PARVA: variants seen among roughly 807,000 people sequenced by gnomAD.
PARVA encodes the protein alpha-parvin.
Under a neutral mutation model 52.6 loss-of-function variants are expected in PARVA, and 25 were observed. That is an observed-to-expected ratio of 0.48 (90% confidence interval 0.35 to 0.66). The LOEUF (loss-of-function observed/expected upper bound fraction) is 0.66. Among genes scored for constraint, PARVA ranks in the 30% least tolerant of loss-of-function variants. PARVA has a pLI of 0.01. For missense variants in PARVA, 373 were observed against 450.9 expected, an observed-to-expected ratio of 0.83 and a Z score of 1.56; for synonymous variants, 185 against 179.1, an observed-to-expected ratio of 1.03 and a Z score of -0.26.
chr11:12,453,125 G>C (rs1044935044), intron 1 of PARVA: 3 of 439,896 alleles, frequency 6.8e-6, no homozygotes, highest in Non-Finnish European at 1.4e-5. Flanking sequence ...CGTCTCTGGG[G>C]TTTGAGTTGA....
chr11:12,506,921 A>T (rs1941437391), intron 6 of PARVA, among the ~76,000 whole-genome samples: 1 of 152,186 alleles, frequency 6.6e-6, no homozygotes, highest in South Asian at 2.1e-4. Context: ...GTTGGAGATG[A>T]GGTTTTACGT....
chr11:12,463,118 CT>C (rs904356479), intron 1 of PARVA, among the ~76,000 whole-genome samples: 4 of 151,718 alleles, frequency 2.6e-5, no homozygotes, highest in African/African-American at 7.3e-5. Context: ...CCCACGCCCA[CT>C]TTTTTTTCTT....
intron 1 of PARVA, among the ~76,000 whole-genome samples, chr11:12,397,090 A>G (rs1216427435): frequency 6.6e-6 from 1 of 152,184 alleles, no homozygotes; most frequent in East Asian, 1.9e-4. Context: ...TGGGGGATTG[A>G]CCTCATTTTT....
chr11:12,386,662 C>T (rs1264587675), intron 1 of PARVA, among the ~76,000 whole-genome samples: 2 of 152,210 alleles, frequency 1.3e-5, no homozygotes, highest in African/African-American at 4.8e-5. Context: ...AAATAGCCCA[C>T]CATTAACTGG....
At chr11:12,394,071 T>G (rs1477353316) in intron 1 of PARVA, among the ~76,000 whole-genome samples, 2 of 152,204 alleles carry the variant, frequency 1.3e-5, no homozygotes, top group Admixed American at 1.3e-4. Flanking sequence ...ATTTCACACT[T>G]ACTATTTTAT....
At chr11:12,432,698 T>G (rs1378639365) in intron 1 of PARVA, among the ~76,000 whole-genome samples, 19 of 152,240 alleles carry the variant, frequency 1.2e-4, no homozygotes, top group Admixed American at 6.5e-4. Context: ...CATGTGTACG[T>G]TATTTAGGCT....
chr11:12,459,725 C>T (rs1589965572), intron 1 of PARVA, among the ~76,000 whole-genome samples: 1 of 152,116 alleles, frequency 6.6e-6, no homozygotes, highest in Admixed American at 6.5e-5. Flanking sequence ...AAAAAGCAGG[C>T]TATAGAACCC....
intron 1 of PARVA, among the ~76,000 whole-genome samples, chr11:12,466,488 G>A (rs1475074295): frequency 3.3e-5 from 5 of 151,894 alleles, no homozygotes; most frequent in African/African-American, 1.2e-4. Context: ...TGTATTTTTA[G>A]TGAGACGGGG....
At chr11:12,462,202 A>T (rs548911586) in intron 1 of PARVA, among the ~76,000 whole-genome samples, 1 of 152,330 alleles carries the variant, frequency 6.6e-6, no homozygotes, top group East Asian at 1.9e-4. Context: ...ACTCTCCCAA[A>T]GCCATCCATG....
At chr11:12,406,502 TTTGA>T (rs1939908746) in intron 1 of PARVA, among the ~76,000 whole-genome samples, 1 of 88,350 alleles carries the variant, frequency 1.1e-5, no homozygotes, top group African/African-American at 4.9e-5. Context: ...ACTTTTGTAT[TTTGA>T]TTTTTTTTTT....
intron 1 of PARVA, among the ~76,000 whole-genome samples, chr11:12,387,524 C>G (rs1939589557): frequency 6.7e-6 from 1 of 150,134 alleles, no homozygotes; most frequent in South Asian, 2.2e-4. Context: ...CTTCCAGTCC[C>G]CAGATTCTAT....
intron 1 of PARVA, among the ~76,000 whole-genome samples, chr11:12,445,928 A>T (rs1940539972): frequency 6.6e-6 from 1 of 152,188 alleles, no homozygotes; most frequent in Admixed American, 6.5e-5. Flanking sequence ...TGGTTTAAAG[A>T]GCTAATTTTT....
intron 10 of PARVA, 32 bp from the exon 11 acceptor site, chr11:12,517,578 G>T: frequency 6.7e-7 from 1 of 1,483,382 alleles, no homozygotes; most frequent in East Asian, 2.4e-5. Flanking sequence ...GGAGGCTCAG[G>T]GGCCAGTGCC....
At chr11:12,497,208 G>A (rs1376893688) in intron 5 of PARVA, among the ~76,000 whole-genome samples, 1 of 152,008 alleles carries the variant, frequency 6.6e-6, no homozygotes, top group African/African-American at 2.4e-5. Context: ...TGCTCCAAAG[G>A]CCCGGTGTCT....
chr11:12,397,082 G>A (rs1939758505), intron 1 of PARVA, among the ~76,000 whole-genome samples: 1 of 152,108 alleles, frequency 6.6e-6, no homozygotes, highest in Non-Finnish European at 1.5e-5. Flanking sequence ...GTTTCACATG[G>A]GGGATTGACC....
At position 12,508,609 on chromosome 11, in the gene PARVA, G is replaced by C. The variant is rs765042412; in HGVS notation, c.683G>C (p.Arg228Pro). The C allele has an allele frequency of 1.2e-6, 2 of 1,608,656 alleles. No individual in the cohort carries two copies. Among genetic ancestry groups the C allele is most frequent in the African/African-American group, 2.7e-5 (2 of 74,302 alleles). Reference protein sequence around the residue: ...VQKREGILQSRQIQEEITGNT... With the variant: ...VQKREGILQSPQIQEEITGNT... ...AAACGAGAAGGAATCCTCCAGTCTCGGCAAATCCAAGAGGAAATAACTGGT... is the reference window on the plus strand; with the variant it reads ...AAACGAGAAGGAATCCTCCAGTCTCCGCAAATCCAAGAGGAAATAACTGGT... Residue 228 changes from arginine to proline, a missense_variant, in exon 7 of 13, where the codon CGG becomes CCG. Coordinates refer to ENST00000334956, the MANE Select transcript of PARVA (RefSeq NM_018222.5).
chr11:12,492,394 A>C (rs764365364), intron 4 of PARVA, among the ~76,000 whole-genome samples: 3 of 152,220 alleles, frequency 2.0e-5, no homozygotes, highest in Non-Finnish European at 4.4e-5. Context: ...TAACTATGGA[A>C]ACATGAGAGA....
At chr11:12,517,801 G>A (rs112160028) in intron 11 of PARVA, 90 bp downstream of exon 11, 2 of 883,686 alleles carry the variant, frequency 2.3e-6, no homozygotes. Flanking sequence ...CAGAAAAAAG[G>A]CAGAAGCTTC....
chr11:12,455,636 TA>T (rs1342864765), intron 1 of PARVA, among the ~76,000 whole-genome samples: 8 of 152,198 alleles, frequency 5.3e-5, no homozygotes, highest in Admixed American at 5.2e-4. Context: ...TTGTTCTATA[TA>T]TTTTTAGATC....
Sources: allele counts gnomAD v4.1 joint callset (sites outside exome capture counted in the v4.1 genomes callset), GRCh38; gene constraint gnomAD v4.1.1; transcripts MANE v1.5; gene names NCBI Gene and HGNC (gene_info 2026-07-23, HGNC 2026-07-21).